The following BMERB1 variants were observed in gnomAD, a reference collection of about 807,000 sequenced individuals.
BMERB1 encodes the protein bMERB domain-containing protein 1.
BMERB1 carries 12 observed loss-of-function variants against 23.6 expected under a neutral mutation model. The observed-to-expected ratio is 0.51, with a 90% CI of 0.33 to 0.82. The LOEUF (loss-of-function observed/expected upper bound fraction) is 0.82. Among genes scored for constraint, BMERB1 ranks in the 40% least tolerant of loss-of-function variants. BMERB1 has a pLI of 0.03. For missense variants in BMERB1, 247 were observed against 255.4 expected (o/e 0.97, Z 0.22); for synonymous variants, 122 against 96.6 (o/e 1.26, Z -1.54).
At chr16:15,506,592 T>C (rs1361390314) in intron 1 of BMERB1, among the ~76,000 whole-genome samples, 1 of 152,148 alleles carries the variant, frequency 6.6e-6, no homozygotes, top group Admixed American at 6.5e-5. Flanking sequence ...GATCACTATA[T>C]GTGGACAATG....
At chr16:15,440,831 G>A (rs1297931265) in intron 1 of BMERB1, among the ~76,000 whole-genome samples, 4 of 152,180 alleles carry the variant, frequency 2.6e-5, no homozygotes, top group Non-Finnish European at 5.9e-5. Context: ...GACCTGGGTT[G>A]AGAGTGAAGG....
intron 1 of BMERB1, among the ~76,000 whole-genome samples, chr16:15,509,961 A>G (rs2051642663): frequency 6.6e-6 from 1 of 152,186 alleles, no homozygotes; most frequent in South Asian, 2.1e-4. Flanking sequence ...AGCCACCCGG[A>G]GGAAGAACCT....
Position 15,587,016 on chromosome 16 carries a change from A to C in BMERB1, c.*187A>C, listed in dbSNP as rs2031165270. The stretch of plus-strand genomic sequence containing the variant: ...CCCTGTACAGAGTGTAGCAGTAGGG[A>C]GTCTCTCACCGTCGCATGGTCCTCC... On this transcript the variant is annotated 3_prime_UTR_variant, in exon 6 of 6. Coordinates refer to ENST00000300006, the MANE Select transcript of BMERB1 (RefSeq NM_033201.3). 2 of 568,686 alleles carry C rather than the reference A, an allele frequency of 3.5e-6. No homozygotes were observed. The highest frequency in any genetic ancestry group is 1.9e-5 in the African/African-American group (1 of 52,702). 35.2% of individuals were successfully genotyped at this position (568,686 alleles called of 1,614,324 possible). A position where few individuals can be genotyped will look rare whatever the true frequency, so the allele number is the denominator to read the frequency against.
At chr16:15,467,873 G>T (rs1049986579) in intron 1 of BMERB1, among the ~76,000 whole-genome samples, 1 of 152,060 alleles carries the variant, frequency 6.6e-6, no homozygotes, top group Non-Finnish European at 1.5e-5. Flanking sequence ...CAGAAAGGCA[G>T]GACAACTGGA....
intron 2 of BMERB1, among the ~76,000 whole-genome samples, chr16:15,543,015 G>T (rs1232562485): frequency 6.6e-6 from 1 of 152,180 alleles, no homozygotes; most frequent in Non-Finnish European, 1.5e-5. Flanking sequence ...TGCCCTCTTG[G>T]TACCTGGGTT....
chr16:15,544,568 C>T (rs1419552297), intron 2 of BMERB1, among the ~76,000 whole-genome samples: 1 of 152,214 alleles, frequency 6.6e-6, no homozygotes, highest in Non-Finnish European at 1.5e-5. Context: ...AAAGCTGCCC[C>T]TGGCAGCCGG....
At chr16:15,519,533 G>GGTGCCCACCACC (rs1389762146) in intron 2 of BMERB1, among the ~76,000 whole-genome samples, 4 of 152,130 alleles carry the variant, frequency 2.6e-5, no homozygotes, top group Non-Finnish European at 4.4e-5. Context: ...TGAGACTACA[G>GGTGCCCACCACC]GTGCCCACCA....
At chr16:15,474,111 C>T (rs546676760) in intron 1 of BMERB1, among the ~76,000 whole-genome samples, 2 of 135,028 alleles carry the variant, frequency 1.5e-5, no homozygotes, top group East Asian at 4.6e-4. Context: ...CAGAGTGAGA[C>T]TCTGTCTCAA....
chr16:15,490,563 A>G (rs1316514064), intron 1 of BMERB1, among the ~76,000 whole-genome samples: 1 of 151,980 alleles, frequency 6.6e-6, no homozygotes, highest in African/African-American at 2.4e-5. Context: ...GATTACAGGC[A>G]TGAGCCACTG....
chr16:15,577,489 GA>G (rs1179059607), intron 3 of BMERB1, among the ~76,000 whole-genome samples: 2 of 152,186 alleles, frequency 1.3e-5, no homozygotes, highest in African/African-American at 2.4e-5. Flanking sequence ...GTGAGAGACC[GA>G]GGCAAGTTTT....
In BMERB1 at chr16:15,437,438, A is replaced by G. The variant is rs111556757; in HGVS notation, c.106+2679A>G. ...TGCTCAATACGTATTGTTCACTTCC[A>G]TTCGGTTACTGCACAACATTTATAG... On this transcript the variant is annotated intron_variant, in intron 1 of 5. Coordinates refer to ENST00000300006, the MANE Select transcript of BMERB1 (RefSeq NM_033201.3). 4.3e-3 allele frequency among the ~76,000 whole-genome samples: 661 copies of G among 152,360 alleles called. 3 individuals are homozygous for G. Among genetic ancestry groups the G allele is most frequent in the African/African-American group, 0.015 (617 of 41,586 alleles).
chr16:15,540,236 G>A (rs886132638), intron 2 of BMERB1, among the ~76,000 whole-genome samples: 8 of 152,032 alleles, frequency 5.3e-5, no homozygotes, highest in Admixed American at 4.6e-4. Flanking sequence ...ATAAAGAAAA[G>A]TATTAAATAG....
intron 1 of BMERB1, among the ~76,000 whole-genome samples, chr16:15,479,736 A>G (rs2051303469): frequency 6.6e-6 from 1 of 152,122 alleles, no homozygotes; most frequent in Non-Finnish European, 1.5e-5. Context: ...TTAAAATTAA[A>G]TAACATGTTA....
At chr16:15,555,394 A>G (rs1367799135) in intron 2 of BMERB1, among the ~76,000 whole-genome samples, 2 of 152,188 alleles carry the variant, frequency 1.3e-5, no homozygotes, top group Middle Eastern at 3.2e-3. Context: ...TATCATACAT[A>G]CAGAAAAGAG....
At chr16:15,437,959 A>G (rs2050902861) in intron 1 of BMERB1, among the ~76,000 whole-genome samples, 1 of 150,752 alleles carries the variant, frequency 6.6e-6, no homozygotes. Context: ...CTCCCTCTCA[A>G]AAAAAAAGAG....
At chr16:15,541,038 C>T (rs1165129502) in intron 2 of BMERB1, among the ~76,000 whole-genome samples, 3 of 151,978 alleles carry the variant, frequency 2.0e-5, no homozygotes, top group Non-Finnish European at 2.9e-5. Flanking sequence ...AGATGCCAGT[C>T]GCAAGTCCGG....
chr16:15,471,059 A>G (rs2150931654), intron 1 of BMERB1, among the ~76,000 whole-genome samples: 1 of 150,054 alleles, frequency 6.7e-6, no homozygotes, highest in East Asian at 2.0e-4. Flanking sequence ...CTAGTCTTGA[A>G]CTCCTGACCT....
chr16:15,586,867 C>CG lies in BMERB1; in HGVS notation c.*38_*39insG. The CG allele has an allele frequency of 7.5e-7, 1 of 1,341,454 alleles. No individual in the cohort carries two copies. Among genetic ancestry groups the CG allele is most frequent in the African/African-American group, 1.5e-5 (1 of 68,934 alleles). 83.1% of individuals were successfully genotyped at this position (1,341,454 alleles called of 1,614,324 possible). A position where few individuals can be genotyped will look rare whatever the true frequency, so the allele number is the denominator to read the frequency against. On this transcript the variant is annotated 3_prime_UTR_variant, in exon 6 of 6. Coordinates refer to ENST00000300006, the MANE Select transcript of BMERB1 (RefSeq NM_033201.3). Reference sequence around the variant, plus strand: ...GTGCCCTGGGCCATGGGGACCCCCCCCCACCCTCTTGTCTTTATAGCCCCC... The same window carrying CG: ...GTGCCCTGGGCCATGGGGACCCCCCCGCCACCCTCTTGTCTTTATAGCCCCC...
intron 3 of BMERB1, among the ~76,000 whole-genome samples, chr16:15,573,075 T>C (rs1242107878): frequency 2.0e-5 from 3 of 152,130 alleles, no homozygotes; most frequent in African/African-American, 7.2e-5. Flanking sequence ...ATCAGCAGCG[T>C]GAAAATGGAC....
Sources: allele counts gnomAD v4.1 joint callset (sites outside exome capture counted in the v4.1 genomes callset), GRCh38; gene constraint gnomAD v4.1.1; transcripts MANE v1.5; gene names NCBI Gene and HGNC (gene_info 2026-07-23, HGNC 2026-07-21).